Variants in UNC45B observed in about 807,000 individuals in gnomAD.
The protein encoded by UNC45B is protein unc-45 homolog B.
A neutral mutation model predicts 98.7 loss-of-function variants in UNC45B; 78 were observed. The ratio of observed to expected loss-of-function variants is 0.79; its 90% CI spans 0.66 to 0.95. UNC45B has a LOEUF of 0.95. Among genes scored for constraint, UNC45B ranks in the 40% least tolerant of loss-of-function variants. The probability of loss-of-function intolerance (pLI) is 0.00; values close to 1 mark genes in which losing one functional copy is unlikely to be tolerated. For missense variants in UNC45B, 1,225 were observed against 1,184.9 expected, an observed-to-expected ratio of 1.03 and a Z score of -0.50; for synonymous variants, 462 against 480.4, an observed-to-expected ratio of 0.96 and a Z score of 0.50.
intron 19 of UNC45B, among the ~76,000 whole-genome samples, chr17:35,185,571 G>A (rs1360766945): frequency 6.6e-6 from 1 of 152,110 alleles, no homozygotes; most frequent in African/African-American, 2.4e-5. Context: ...CTCCCAAAGT[G>A]CTGGGATTAC....
chr17:35,177,500 T>A lies in UNC45B; in HGVS notation c.2145T>A (p.Tyr715Ter). 3 of 1,558,860 alleles carry A rather than the reference T, an allele frequency of 1.9e-6. No individual in the cohort carries two copies. Among genetic ancestry groups the A allele is most frequent in the Non-Finnish European group, 2.6e-6 (3 of 1,150,426 alleles). ...PDIAFPGERV[Y>*]EVVRPLVRLL... ...CCTTGACCCCTCCCCAACAGGTGTA[T>A]GAGGTGGTGCGGCCCCTTGTAAGAC... Residue 715 changes from tyrosine (Y) to a stop codon, truncating the protein, a stop_gained, in exon 17 of 20, where the codon TAT (tyrosine) becomes TAA (stop). Coordinates refer to ENST00000394570, the MANE Select transcript of UNC45B (RefSeq NM_001267052.2). LOFTEE classifies it high-confidence loss of function.
Position 35,176,132 on chromosome 17 carries a change from T to G in UNC45B, c.2025+98T>G, listed in dbSNP as rs2142583365. On this transcript the variant is annotated intron_variant, in intron 15 of 19. Coordinates refer to ENST00000394570, the MANE Select transcript of UNC45B (RefSeq NM_001267052.2). The stretch of plus-strand genomic sequence containing the variant: ...TCTGCCCCAACTCGACCTCCTGGAA[T>G]ACGGCCACCAGTTATCTGCGCTGTC... 13 of 1,211,534 alleles carry G rather than the reference T, an allele frequency of 1.1e-5. No homozygotes were observed. The South Asian group carries it at 1.6e-4, about 15-fold the overall frequency. 75.0% of individuals were successfully genotyped at this position (1,211,534 alleles called of 1,614,324 possible). A position where few individuals can be genotyped will look rare whatever the true frequency, so the allele number is the denominator to read the frequency against.
intron 4 of UNC45B, among the ~76,000 whole-genome samples, 155 bp from the exon 5 acceptor site, chr17:35,152,738 C>T (rs564843602): frequency 3.3e-4 from 50 of 152,294 alleles, no homozygotes; most frequent in African/African-American, 1.0e-3. Flanking sequence ...ATTCATCGTA[C>T]TTATCCAGTA....
At position 35,168,098 on chromosome 17, in the gene UNC45B, A is replaced by C; in HGVS notation, c.1189A>C (p.Asn397His). The C allele has an allele frequency of 1.9e-6, 3 of 1,563,250 alleles. No homozygotes were observed. Among genetic ancestry groups the C allele is most frequent in the Non-Finnish European group, 2.6e-6 (3 of 1,154,262 alleles). ...FDPQDMDKNL[N>H]AIQTVSGILQ... is the part of the protein sequence containing the mutation. ...CCCCCAGGACATGGACAAGAACTTG[A>C]ATGCCATCCAGACAGTGTCAGGGAT... The change falls in exon 10 of 20, where the codon AAT (asparagine) becomes CAT (histidine). Residue 397 changes from asparagine (N) to histidine (H), a missense_variant. Transcript: ENST00000394570.
intron 13 of UNC45B, among the ~76,000 whole-genome samples, chr17:35,173,257 C>T (rs1156769968): frequency 6.6e-6 from 1 of 151,800 alleles, no homozygotes; most frequent in African/African-American, 2.4e-5. Context: ...TCCTGAGTAG[C>T]TGGGATTATA....
chr17:35,163,515 A>G (rs949795812), intron 8 of UNC45B, among the ~76,000 whole-genome samples: 3 of 152,228 alleles, frequency 2.0e-5, no homozygotes, highest in African/African-American at 7.2e-5. Context: ...TACTTAATAA[A>G]TACACACTCA....
chr17:35,184,215 A>T (rs2142611429), intron 19 of UNC45B, among the ~76,000 whole-genome samples: 1 of 152,326 alleles, frequency 6.6e-6, no homozygotes, highest in East Asian at 1.9e-4. Context: ...TGTGTGTATC[A>T]GCGGGTGTGT....
At chr17:35,153,018 G>A (rs1185717099) in intron 5 of UNC45B, 36 bp downstream of exon 5, 1 of 1,491,630 alleles carries the variant, frequency 6.7e-7, no homozygotes, top group African/African-American at 1.4e-5. Flanking sequence ...CCAGCAGAAG[G>A]ACCCGCCAGT....
intron 7 of UNC45B, 62 bp downstream of exon 7, chr17:35,155,526 T>C: frequency 6.5e-7 from 1 of 1,550,348 alleles, no homozygotes; most frequent in Non-Finnish European, 8.8e-7. Context: ...AGTTGCTACC[T>C]CAGACTGGGA....
At chr17:35,179,770 G>A (rs978876120) in intron 17 of UNC45B, among the ~76,000 whole-genome samples, 4 of 152,096 alleles carry the variant, frequency 2.6e-5, no homozygotes, top group Non-Finnish European at 5.9e-5. Flanking sequence ...AGCTGGGGGA[G>A]GGATAACATT....
chr17:35,164,256 C>A, intron 9 of UNC45B, 90 bp downstream of exon 9: 1 of 1,439,310 alleles, frequency 6.9e-7, no homozygotes, highest in Non-Finnish European at 9.3e-7. Context: ...GCAGCTCAAA[C>A]AATAGTGTTT....
At chr17:35,163,489 G>A (rs74252016) in intron 8 of UNC45B, among the ~76,000 whole-genome samples, 12,599 of 152,064 alleles carry the variant, frequency 0.083, 693 homozygotes, top group East Asian at 0.18. Context: ...TGTAAATATG[G>A]CATTTACTAA....
At chr17:35,155,273 C>G in intron 6 of UNC45B, 23 bp from the exon 7 acceptor site, 1 of 1,610,868 alleles carries the variant, frequency 6.2e-7, no homozygotes, top group African/African-American at 1.3e-5. Context: ...GGCAGCTGAC[C>G]ATGGTTCTTG....
chr17:35,154,542 C>T lies in UNC45B; in HGVS notation c.472-32C>T, dbSNP rs757372397. The T allele has an allele frequency of 6.9e-6, 11 of 1,605,140 alleles. No individual in the cohort carries two copies. In the African/African-American group the frequency reaches 1.3e-4, roughly 20 times the overall value. ...TCCAGGCCTGGGTGGCCGTACCTCC[C>T]TCGTAACCCTTATTGCCTCTTCCTC... is the stretch of plus-strand genomic sequence containing the variant. On this transcript the variant is annotated intron_variant, in intron 5 of 19. Coordinates refer to ENST00000394570, the MANE Select transcript of UNC45B (RefSeq NM_001267052.2).
intron 9 of UNC45B, chr17:35,164,766 C>G (rs8067251): frequency 0.39 from 59,577 of 151,980 alleles, 12,027 homozygotes; most frequent in African/African-American, 0.5. Flanking sequence ...CTGTTCCCCA[C>G]GCTGGAGTGC....
chr17:35,160,988 A>G (rs2092098705), intron 8 of UNC45B, among the ~76,000 whole-genome samples: 2 of 152,200 alleles, frequency 1.3e-5, no homozygotes, highest in Admixed American at 1.3e-4. Flanking sequence ...TTTGGTTTTT[A>G]TAGACCTCAG....
rs748091247 is a variant in UNC45B at position 35,164,045 on chromosome 17, T to C, written c.1030T>C (p.Cys344Arg). 1 of 1,614,052 alleles carries C rather than the reference T, an allele frequency of 6.2e-7. No homozygotes were observed. Among genetic ancestry groups the C allele is most frequent in the East Asian group, 2.2e-5 (1 of 44,860 alleles). The change falls in exon 9 of 20, where the codon TGC becomes CGC. Residue 344 changes from cysteine (C) to arginine (R), a missense_variant. Coordinates refer to ENST00000394570, the MANE Select transcript of UNC45B (RefSeq NM_001267052.2). ...VVGQVPDLPS[C>R]LPLTDNTRML... ...GGGGCAGGTTCCAGATCTGCCATCCTGCCTGCCCCTGACTGACAACACCCG... is the reference window on the plus strand; with the variant it reads ...GGGGCAGGTTCCAGATCTGCCATCCCGCCTGCCCCTGACTGACAACACCCG...
Position 35,168,125 on chromosome 17 carries a change from C to T in UNC45B, c.1216C>T (p.Leu406=). ...LNAIQTVSGI[L]QGPFDLGNQL... ...TGCCATCCAGACAGTGTCAGGGATC[C>T]TGCAGGGCCCCTTTGACCTGGGCAA... Residue 406 remains leucine (L), a synonymous_variant, in exon 10 of 20, where the codon CTG becomes TTG. Coordinates refer to ENST00000394570, the MANE Select transcript of UNC45B (RefSeq NM_001267052.2). 2 of 1,593,028 alleles carry T rather than the reference C, an allele frequency of 1.3e-6. No homozygotes were observed. The highest frequency in any genetic ancestry group is 1.7e-5 in the Admixed American group (1 of 57,708).
At position 35,186,672 on chromosome 17, in the gene UNC45B, C is replaced by T; in HGVS notation, c.*113C>T. The T allele has an allele frequency of 8.0e-7, 1 of 1,255,788 alleles. No individual in the cohort carries two copies. Among genetic ancestry groups the T allele is most frequent in the Non-Finnish European group, 1.1e-6 (1 of 907,954 alleles). 77.8% of individuals were successfully genotyped at this position (1,255,788 alleles called of 1,614,324 possible). A position where few individuals can be genotyped will look rare whatever the true frequency, so the allele number is the denominator to read the frequency against. ...GGGATCATAGCAGTGACAATGAAGT[C>T]TCAATATAAAGGAAAGACTTGATTG... is the stretch of plus-strand genomic sequence containing the variant. On this transcript the variant is annotated 3_prime_UTR_variant, in exon 20 of 20. Transcript: ENST00000394570.
Sources: gnomAD v4.1 joint callset for allele counts (sites outside exome capture counted in the v4.1 genomes callset) on GRCh38, gnomAD v4.1.1 for gene constraint, MANE v1.5 for transcripts, NCBI Gene and HGNC (gene_info 2026-07-23, HGNC 2026-07-21) for gene names.